Variants in HDAC9 observed in about 807,000 individuals in gnomAD.
The protein encoded by HDAC9 is MEF-2 interacting transcription repressor (MITR) protein.
In HDAC9, 41 loss-of-function variants were observed where a neutral mutation model predicts 139.4. The ratio of observed to expected loss-of-function variants is 0.29; its 90% CI spans 0.23 to 0.38. The LOEUF (loss-of-function observed/expected upper bound fraction) is 0.38, where lower values mean the gene tolerates loss of function less well. HDAC9 is among the 10% of genes least tolerant of loss of function. The pLI, the probability that HDAC9 is intolerant of heterozygous loss-of-function variation, is 1.00. For missense variants in HDAC9, 1,147 were observed against 1,297.0 expected (o/e 0.88, Z 1.78); for synonymous variants, 517 against 476.2 (o/e 1.09, Z -1.12).
chr7:18,342,940 G>A (rs1318235455), intron 1 of HDAC9, among the ~76,000 whole-genome samples: 4 of 151,828 alleles, frequency 2.6e-5, no homozygotes, highest in South Asian at 2.1e-4. Flanking sequence ...AATATAGTTA[G>A]TTGGGTAAAA....
chr7:18,237,634 T>G (rs751318859), intron 2 of HDAC9, among the ~76,000 whole-genome samples: 28 of 152,146 alleles, frequency 1.8e-4, no homozygotes, highest in Admixed American at 7.2e-4. Context: ...AAAGATATTT[T>G]GAAGGAAGAA....
chr7:18,458,674 CT>C (rs35276467), intron 1 of HDAC9, among the ~76,000 whole-genome samples: 14 of 152,002 alleles, frequency 9.2e-5, no homozygotes, highest in African/African-American at 2.2e-4. Flanking sequence ...GCTATCAAAA[CT>C]TTTTTTTGTG....
intron 1 of HDAC9, among the ~76,000 whole-genome samples, chr7:18,143,711 A>G (rs981055499): frequency 6.6e-6 from 1 of 151,216 alleles, no homozygotes; most frequent in Non-Finnish European, 1.5e-5. Context: ...GCTTGAACTC[A>G]GGAGGCAGGA....
chr7:18,549,413 A>G (rs891957747), intron 2 of HDAC9, among the ~76,000 whole-genome samples: 9 of 152,200 alleles, frequency 5.9e-5, no homozygotes, highest in African/African-American at 1.7e-4. Context: ...GTGTCCCTCA[A>G]TAGCTGAATA....
At chr7:18,939,540 C>T (rs763075914) in intron 23 of HDAC9, among the ~76,000 whole-genome samples, 2 of 151,978 alleles carry the variant, frequency 1.3e-5, no homozygotes, top group Non-Finnish European at 2.9e-5. Flanking sequence ...TAATCCAAGG[C>T]CTGGTTTTCT....
At chr7:18,710,682 C>T (rs760400470) in intron 12 of HDAC9, among the ~76,000 whole-genome samples, 1 of 152,108 alleles carries the variant, frequency 6.6e-6, no homozygotes, top group African/African-American at 2.4e-5. Context: ...GCATTCATAC[C>T]TAGGAGTTGA....
At chr7:18,234,578 T>C (rs1793690754) in intron 2 of HDAC9, among the ~76,000 whole-genome samples, 2 of 152,194 alleles carry the variant, frequency 1.3e-5, no homozygotes, top group South Asian at 4.1e-4. Flanking sequence ...AGATTAGGAA[T>C]CCGAGGCATA....
intron 8 of HDAC9, among the ~76,000 whole-genome samples, chr7:18,639,549 G>C (rs1262778707): frequency 6.6e-6 from 1 of 151,946 alleles, no homozygotes; most frequent in Non-Finnish European, 1.5e-5. Context: ...ATGAAAACTT[G>C]AGAGATTTCT....
chr7:18,247,297 T>A (rs1172527860), intron 2 of HDAC9, among the ~76,000 whole-genome samples: 1 of 151,914 alleles, frequency 6.6e-6, no homozygotes, highest in African/African-American at 2.4e-5. Context: ...AGAGGCCACG[T>A]GGTGAGCACT....
intron 1 of HDAC9, among the ~76,000 whole-genome samples, chr7:18,381,085 A>G (rs2128713312): frequency 6.6e-6 from 1 of 151,078 alleles, no homozygotes; most frequent in African/African-American, 2.4e-5. Flanking sequence ...ATAGTCCTGC[A>G]CTACTGGGGA....
chr7:18,436,920 G>A (rs1481703798), intron 1 of HDAC9, among the ~76,000 whole-genome samples: 1 of 152,160 alleles, frequency 6.6e-6, no homozygotes, highest in East Asian at 1.9e-4. Flanking sequence ...CTAACAGATA[G>A]CATGAATACA....
intron 2 of HDAC9, among the ~76,000 whole-genome samples, chr7:18,167,888 T>TA (rs1224886989): frequency 6.6e-6 from 1 of 152,204 alleles, no homozygotes; most frequent in East Asian, 1.9e-4. Flanking sequence ...GGACTGCAGA[T>TA]ACGGTATTGC....
At chr7:18,985,580 T>C (rs1423986492) in intron 25 of HDAC9, among the ~76,000 whole-genome samples, 4 of 150,660 alleles carry the variant, frequency 2.7e-5, no homozygotes, top group Non-Finnish European at 4.4e-5. Flanking sequence ...TTTGGGTATA[T>C]ACCCAGTAAT....
chr7:18,479,238 G>A (rs1395195372), intron 1 of HDAC9, among the ~76,000 whole-genome samples: 2 of 151,914 alleles, frequency 1.3e-5, no homozygotes, highest in Non-Finnish European at 2.9e-5. Context: ...AACTTTTCAA[G>A]TTTGCTTTTT....
At position 18,584,027 on chromosome 7, in the gene HDAC9, G is replaced by A. The variant is rs531292223; in HGVS notation, c.23-1254G>A. 2.8e-4 allele frequency among the ~76,000 whole-genome samples: 43 copies of A among 152,044 alleles called. No individual in the cohort carries two copies. In the South Asian group the frequency reaches 8.1e-3, roughly 29 times the overall value. On this transcript the variant is annotated intron_variant, in intron 2 of 25. Transcript: ENST00000686413. The stretch of plus-strand genomic sequence containing the variant: ...AAATATTTAACAACCAGTTTGGCAT[G>A]GATGCTGGTCATTCAAAATGTCAGA...
At chr7:18,619,500 G>A (rs1208837629) in intron 6 of HDAC9, among the ~76,000 whole-genome samples, 1 of 152,182 alleles carries the variant, frequency 6.6e-6, no homozygotes, top group African/African-American at 2.4e-5. Flanking sequence ...ATATTGCAGT[G>A]TTTTGAGGTT....
chr7:18,637,531 A>T (rs1302026311), intron 8 of HDAC9, among the ~76,000 whole-genome samples: 3 of 152,106 alleles, frequency 2.0e-5, no homozygotes, highest in Non-Finnish European at 4.4e-5. Context: ...AAACAAAACA[A>T]AACAGAGGGA....
intron 1 of HDAC9, among the ~76,000 whole-genome samples, chr7:18,480,175 T>C (rs1319983648): frequency 6.6e-6 from 1 of 152,124 alleles, no homozygotes; most frequent in Non-Finnish European, 1.5e-5. Context: ...TTAAATACTG[T>C]GCACCAGTGT....
intron 12 of HDAC9, among the ~76,000 whole-genome samples, chr7:18,720,405 T>C (rs181691085): frequency 2.2e-3 from 337 of 151,876 alleles, no homozygotes; most frequent in African/African-American, 7.7e-3. Context: ...GTTCCCAATT[T>C]ATAGTCTTCT....
Sources: allele counts gnomAD v4.1 joint callset (sites outside exome capture counted in the v4.1 genomes callset), GRCh38; gene constraint gnomAD v4.1.1; transcripts MANE v1.5; gene names NCBI Gene and HGNC (gene_info 2026-07-23, HGNC 2026-07-21).